The following CDH18 variants were observed in gnomAD, a reference collection of about 807,000 sequenced individuals.
CDH18 encodes cadherin 18.
Under a neutral mutation model 67.9 loss-of-function variants are expected in CDH18, and 31 were observed. The observed-to-expected ratio is 0.46, with a 90% CI of 0.34 to 0.62. The LOEUF (loss-of-function observed/expected upper bound fraction) is 0.62, where lower values mean the gene tolerates loss of function less well. Among genes scored for constraint, CDH18 ranks in the 20% least tolerant of loss-of-function variants. The probability of loss-of-function intolerance (pLI) is 0.01; values close to 1 mark genes in which losing one functional copy is unlikely to be tolerated. For missense variants in CDH18, 890 were observed against 975.5 expected, an observed-to-expected ratio of 0.91 and a Z score of 1.17; for synonymous variants, 362 against 347.2, an observed-to-expected ratio of 1.04 and a Z score of -0.48.
chr5:19,560,692 C>T (rs529672773), intron 8 of CDH18, among the ~76,000 whole-genome samples: 11 of 152,020 alleles, frequency 7.2e-5, no homozygotes, highest in African/African-American at 2.7e-4. Context: ...AGGTTCTGCA[C>T]AGTAAAAGAA....
intron 2 of CDH18, among the ~76,000 whole-genome samples, chr5:19,958,379 C>CAAAAAAAAAAAAAAAAAAAAAAAAAA (rs57913629): frequency 1.5e-5 from 1 of 66,632 alleles, no homozygotes; most frequent in African/African-American, 5.3e-5. Context: ...TTTCCTTCAC[C>CAAAAAAAAAAAAAAAAAAAAAAAAAA]AAAAAAAAAA....
At chr5:19,650,218 A>G (rs1755374199) in intron 5 of CDH18, among the ~76,000 whole-genome samples, 1 of 152,000 alleles carries the variant, frequency 6.6e-6, no homozygotes, top group African/African-American at 2.4e-5. Context: ...TGTTTAATTA[A>G]GGTTGCTTTC....
intron 10 of CDH18, 113 bp from the exon 11 acceptor site, chr5:19,503,222 C>A (rs1743552915): frequency 5.0e-6 from 3 of 604,620 alleles, no homozygotes; most frequent in East Asian, 5.5e-5. Flanking sequence ...TTTCTTCCAA[C>A]TTGAGTTATT....
At chr5:19,724,405 A>T (rs952839073) in intron 4 of CDH18, among the ~76,000 whole-genome samples, 2 of 152,106 alleles carry the variant, frequency 1.3e-5, no homozygotes, top group Non-Finnish European at 2.9e-5. Flanking sequence ...AGCATAAGGG[A>T]TCCTTATATA....
At chr5:20,490,377 C>G (rs1312352292) in intron 1 of CDH18, among the ~76,000 whole-genome samples, 1 of 152,006 alleles carries the variant, frequency 6.6e-6, no homozygotes, top group Non-Finnish European at 1.5e-5. Context: ...TGAGACAATG[C>G]TGGGGTTTAG....
chr5:20,563,930 T>G (rs1045978721), intron 1 of CDH18, among the ~76,000 whole-genome samples: 5 of 152,140 alleles, frequency 3.3e-5, no homozygotes, highest in African/African-American at 9.6e-5. Flanking sequence ...GTGATATATT[T>G]GCCCCAGTAA....
rs185153509 is a variant in CDH18, at chr5:19,493,476, T to C, written c.1630+9516A>G. On this transcript the variant is annotated intron_variant, in intron 11 of 12. Transcript: ENST00000382275. ...AGGGTGATGATAAATAATAATTTGA[T>C]GTGAGGCTAGAGTGGTACATGCTGG... Among the ~76,000 whole-genome samples the C allele has an allele frequency of 3.1e-3, 473 of 152,116 alleles. 3 individuals are homozygous for C. Among genetic ancestry groups the C allele is most frequent in the Non-Finnish European group, 5.4e-3 (366 of 67,986 alleles).
At chr5:20,414,091 C>G (rs114814985) in intron 1 of CDH18, among the ~76,000 whole-genome samples, 3,538 of 152,244 alleles carry the variant, frequency 0.023, 150 homozygotes, top group African/African-American at 0.081. Flanking sequence ...TGTACTGTTA[C>G]TGGAGATGGA....
At chr5:20,151,326 T>A (rs1186332930) in intron 2 of CDH18, among the ~76,000 whole-genome samples, 1 of 152,178 alleles carries the variant, frequency 6.6e-6, no homozygotes, top group African/African-American at 2.4e-5. Flanking sequence ...ATTGTATTCC[T>A]TTTTATGGCT....
intron 2 of CDH18, among the ~76,000 whole-genome samples, chr5:20,178,039 T>C (rs1175124557): frequency 6.6e-6 from 1 of 152,124 alleles, no homozygotes; most frequent in African/African-American, 2.4e-5. Context: ...GTGGACTTCC[T>C]CTGATCATTT....
intron 1 of CDH18, among the ~76,000 whole-genome samples, chr5:20,442,825 C>T (rs1749703750): frequency 6.6e-6 from 1 of 151,790 alleles, no homozygotes. Context: ...TATGAACAAG[C>T]TGATTAATTG....
intron 2 of CDH18, among the ~76,000 whole-genome samples, chr5:20,177,081 C>T (rs1007901017): frequency 2.0e-5 from 3 of 151,962 alleles, no homozygotes; most frequent in Non-Finnish European, 4.4e-5. Flanking sequence ...AATACAGAAA[C>T]ATTTATAAAT....
At chr5:20,438,665 G>A (rs142572911) in intron 1 of CDH18, among the ~76,000 whole-genome samples, 2 of 151,396 alleles carry the variant, frequency 1.3e-5, no homozygotes, top group Non-Finnish European at 3.0e-5. Context: ...AGAAGAATGT[G>A]GCTCATTTCA....
At chr5:20,533,383 GA>G (rs1554015424) in intron 1 of CDH18, among the ~76,000 whole-genome samples, 1 of 151,798 alleles carries the variant, frequency 6.6e-6, no homozygotes, top group South Asian at 2.1e-4. Context: ...CTTCAAGAGG[GA>G]AAAAAAGGGT....
At chr5:20,542,687 T>C (rs1025174183) in intron 1 of CDH18, among the ~76,000 whole-genome samples, 4 of 152,054 alleles carry the variant, frequency 2.6e-5, no homozygotes, top group African/African-American at 2.4e-5. Flanking sequence ...AAGACATTTT[T>C]CTCCACATCA....
At chr5:19,632,110 C>T (rs4629602) in intron 5 of CDH18, among the ~76,000 whole-genome samples, 112,159 of 152,020 alleles carry the variant, frequency 0.74, 41,622 homozygotes, top group South Asian at 0.8. Flanking sequence ...GCAGTGTATA[C>T]CACATGGTAA....
At chr5:19,869,299 A>G (rs1271975801) in intron 2 of CDH18, among the ~76,000 whole-genome samples, 1 of 152,122 alleles carries the variant, frequency 6.6e-6, no homozygotes, top group Non-Finnish European at 1.5e-5. Flanking sequence ...TATCTCAGGT[A>G]CTTTTCCCTA....
intron 1 of CDH18, among the ~76,000 whole-genome samples, chr5:20,339,768 G>A (rs1740099038): frequency 6.6e-6 from 1 of 152,162 alleles, no homozygotes; most frequent in Non-Finnish European, 1.5e-5. Flanking sequence ...TGGTACTCCG[G>A]ATAATGCTGA....
intron 1 of CDH18, among the ~76,000 whole-genome samples, chr5:20,329,642 C>T (rs931385244): frequency 2.0e-5 from 3 of 151,702 alleles, no homozygotes; most frequent in Admixed American, 6.6e-5. Context: ...TGGTGGTGGG[C>T]ATCTGTAATC....
Sources: gnomAD v4.1 joint callset for allele counts (sites outside exome capture counted in the v4.1 genomes callset) on GRCh38, gnomAD v4.1.1 for gene constraint, MANE v1.5 for transcripts, NCBI Gene and HGNC (gene_info 2026-07-23, HGNC 2026-07-21) for gene names.